TARP: variants seen among roughly 807,000 people sequenced by gnomAD.
chr7:38,270,060 C>G, the TARP span, among the ~76,000 whole-genome samples: 541 of 151,998 alleles, frequency 3.6e-3, 4 homozygotes, highest in African/African-American at 0.011. Flanking sequence ...ATTGATCACA[C>G]CACTGCACTC....
chr7:38,262,743 T>A, the TARP span, among the ~76,000 whole-genome samples: 1 of 151,224 alleles, frequency 6.6e-6, no homozygotes, highest in Non-Finnish European at 1.5e-5. Context: ...AGCCTCAAAC[T>A]CCCCAGGCTC....
the TARP span, among the ~76,000 whole-genome samples, chr7:38,260,819 C>A: frequency 5.3e-5 from 8 of 151,674 alleles, no homozygotes; most frequent in Non-Finnish European, 1.0e-4. Context: ...TGACTCCCTG[C>A]CCTTGGTCAA....
the TARP span, among the ~76,000 whole-genome samples, chr7:38,267,794 A>G: frequency 3.3e-5 from 5 of 151,336 alleles, no homozygotes; most frequent in Non-Finnish European, 7.4e-5. Context: ...GTCTCTAGTC[A>G]ATATATTTTC....
the TARP span, chr7:38,269,667 T>C: frequency 1.8e-6 from 1 of 553,404 alleles, no homozygotes; most frequent in Non-Finnish European, 3.2e-6. Flanking sequence ...ACAAGTTCTG[T>C]TGCTCCACAA....
the TARP span, among the ~76,000 whole-genome samples, chr7:38,268,767 T>G: frequency 6.6e-6 from 1 of 151,806 alleles, no homozygotes; most frequent in African/African-American, 2.4e-5. Context: ...TGTGAGCTGA[T>G]GTTGATAACC....
the TARP span, among the ~76,000 whole-genome samples, chr7:38,266,809 A>G: frequency 6.6e-6 from 1 of 151,906 alleles, no homozygotes; most frequent in East Asian, 1.9e-4. Flanking sequence ...TTACAGCTGT[A>G]CCTCCAGATT....
chr7:38,262,512 C>A, the TARP span, among the ~76,000 whole-genome samples: 30 of 151,666 alleles, frequency 2.0e-4, no homozygotes, highest in Admixed American at 1.3e-4. Context: ...TAGCTCCTAG[C>A]ATAGTGACTG....
chr7:38,263,361 T>C, the TARP span, among the ~76,000 whole-genome samples: 2 of 151,764 alleles, frequency 1.3e-5, no homozygotes, highest in South Asian at 4.2e-4. Context: ...CAGACAGTAG[T>C]TGTAGGGGAA....
At chr7:38,269,649 T>C in the TARP span, 1 of 567,560 alleles carries the variant, frequency 1.8e-6, no homozygotes, top group Non-Finnish European at 3.1e-6. Flanking sequence ...TGGTTCATTT[T>C]GCTCATAACA....
the TARP span, among the ~76,000 whole-genome samples, chr7:38,264,191 T>G: frequency 6.6e-6 from 1 of 151,964 alleles, no homozygotes; most frequent in South Asian, 2.1e-4. Context: ...TTTTTAGCTT[T>G]TCTCAGAAAA....
At chr7:38,268,136 T>G in the TARP span, among the ~76,000 whole-genome samples, 22 of 151,266 alleles carry the variant, frequency 1.5e-4, no homozygotes, top group African/African-American at 3.6e-4. Context: ...ATATTAAGAG[T>G]TTTTTATGGC....
chr7:38,263,097 AC>A, the TARP span, among the ~76,000 whole-genome samples: 1 of 151,698 alleles, frequency 6.6e-6, no homozygotes, highest in African/African-American at 2.4e-5. Flanking sequence ...CCCAGCAAGT[AC>A]CCATGATTTT....
At chr7:38,270,644 A>G in the TARP span, among the ~76,000 whole-genome samples, 1 of 151,610 alleles carries the variant, frequency 6.6e-6, no homozygotes, top group Non-Finnish European at 1.5e-5. Context: ...TTCAAGGCAG[A>G]ATGGGTAGAG....
the TARP span, among the ~76,000 whole-genome samples, chr7:38,266,416 C>T: frequency 6.6e-6 from 1 of 151,820 alleles, no homozygotes; most frequent in Non-Finnish European, 1.5e-5. Context: ...AAGTGATCCT[C>T]CCACCTCAGC....
the TARP span, among the ~76,000 whole-genome samples, chr7:38,267,138 G>T: frequency 6.6e-6 from 1 of 151,528 alleles, no homozygotes; most frequent in Admixed American, 6.6e-5. Context: ...CCCAGAATTT[G>T]TATCTGTCCT....
the TARP span, among the ~76,000 whole-genome samples, chr7:38,264,160 TATG>T: frequency 6.6e-6 from 1 of 151,970 alleles, no homozygotes; most frequent in Admixed American, 6.6e-5. Context: ...GATTATATAA[TATG>T]ATCACTTCCA....
the TARP span, chr7:38,265,756 T>C: frequency 9.4e-7 from 1 of 1,059,910 alleles, no homozygotes; most frequent in Non-Finnish European, 1.4e-6. Context: ...AGTGGCCTAG[T>C]ACATAACCAT....
the TARP span, among the ~76,000 whole-genome samples, chr7:38,270,692 G>A: frequency 4.6e-5 from 7 of 151,172 alleles, no homozygotes; most frequent in Non-Finnish European, 7.4e-5. Flanking sequence ...CCATCTCTCT[G>A]TTGTCACTTT....
At chr7:38,261,596 C>T in the TARP span, among the ~76,000 whole-genome samples, 8 of 151,402 alleles carry the variant, frequency 5.3e-5, no homozygotes, top group African/African-American at 1.9e-4. Flanking sequence ...GACAGGAGGC[C>T]GGGCACAGTG....
Sources: allele counts gnomAD v4.1 joint callset (sites outside exome capture counted in the v4.1 genomes callset), GRCh38; gene constraint gnomAD v4.1.1; transcripts MANE v1.5.